MYLK: variants seen among roughly 807,000 people sequenced by gnomAD.
The protein encoded by MYLK is myosin light chain kinase, smooth muscle.
In MYLK, 106 loss-of-function variants were observed where a neutral mutation model predicts 203.4. The observed-to-expected ratio is 0.52, with a 90% CI of 0.45 to 0.61. The LOEUF (loss-of-function observed/expected upper bound fraction) is 0.61. Among genes scored for constraint, MYLK ranks in the 20% least tolerant of loss-of-function variants. The pLI is 0.00. For synonymous variants in MYLK, 867 were observed against 959.5 expected, an observed-to-expected ratio of 0.90 and a Z score of 1.78; for missense variants, 2,072 against 2,442.3, an observed-to-expected ratio of 0.85 and a Z score of 3.20.
intron 23 of MYLK, among the ~76,000 whole-genome samples, chr3:123,663,187 A>G (rs1576470381): frequency 6.6e-6 from 1 of 152,124 alleles, no homozygotes; most frequent in African/African-American, 2.4e-5. Context: ...CTGGTTAGAA[A>G]ACTCTCTTGA....
chr3:123,682,055 CTG>C (rs748611552), intron 20 of MYLK, 167 bp downstream of exon 20: 2 of 684,462 alleles, frequency 2.9e-6, no homozygotes, highest in Non-Finnish European at 5.4e-6. Flanking sequence ...GCCACTGGCT[CTG>C]TTATTGGGAG....
At chr3:123,735,241 G>C in intron 9 of MYLK, 157 bp downstream of exon 9, 2 of 995,060 alleles carry the variant, frequency 2.0e-6, no homozygotes, top group East Asian at 4.8e-5. Context: ...TATTACAATA[G>C]GAGAACAAGA....
At chr3:123,794,713 C>T (rs1338735802) in intron 3 of MYLK, among the ~76,000 whole-genome samples, 1 of 152,178 alleles carries the variant, frequency 6.6e-6, no homozygotes, top group Admixed American at 6.5e-5. Flanking sequence ...GACGACTACT[C>T]ATTAGAGCGA....
intron 3 of MYLK, among the ~76,000 whole-genome samples, chr3:123,801,560 C>T (rs1335404265): frequency 1.3e-5 from 2 of 152,194 alleles, no homozygotes; most frequent in Non-Finnish European, 2.9e-5. Context: ...GATAGTTTTT[C>T]AGCCCTTGCT....
At chr3:123,732,284 C>T (rs1168639223) in intron 11 of MYLK, among the ~76,000 whole-genome samples, 1 of 152,106 alleles carries the variant, frequency 6.6e-6, no homozygotes, top group East Asian at 1.9e-4. Context: ...TTAGATACAG[C>T]CATTTCATGC....
chr3:123,678,606 C>T (rs2060153239), intron 20 of MYLK, among the ~76,000 whole-genome samples: 1 of 151,974 alleles, frequency 6.6e-6, no homozygotes, highest in South Asian at 2.1e-4. Context: ...GGATTTCCCT[C>T]TTAGACTAGG....
intron 20 of MYLK, among the ~76,000 whole-genome samples, chr3:123,674,585 C>T (rs953922963): frequency 1.3e-5 from 2 of 152,256 alleles, no homozygotes; most frequent in Non-Finnish European, 2.9e-5. Flanking sequence ...ATTTAGCCTA[C>T]ATTATGATTG....
At chr3:123,746,247 G>T (rs897423528) in intron 5 of MYLK, among the ~76,000 whole-genome samples, 1 of 152,152 alleles carries the variant, frequency 6.6e-6, no homozygotes, top group Non-Finnish European at 1.5e-5. Flanking sequence ...CTTCTCAGGA[G>T]GCTGAGGCAG....
chr3:123,780,666 C>G (rs1214325578), intron 4 of MYLK, among the ~76,000 whole-genome samples: 2 of 152,176 alleles, frequency 1.3e-5, no homozygotes, highest in South Asian at 2.1e-4. Flanking sequence ...AGATAGCCGA[C>G]AAGCTGCCCA....
intron 4 of MYLK, among the ~76,000 whole-genome samples, chr3:123,762,860 A>T (rs934540258): frequency 2.0e-5 from 3 of 152,212 alleles, no homozygotes; most frequent in Non-Finnish European, 2.9e-5. Context: ...TAGACTTCTC[A>T]GCTTCTAGGG....
Position 123,626,938 on chromosome 3 carries a change from G to A in MYLK, c.5118C>T (p.Asn1706=). The A allele has an allele frequency of 1.2e-6, 2 of 1,614,174 alleles. No individual in the cohort carries two copies. Among genetic ancestry groups the A allele is most frequent in the South Asian group, 2.2e-5 (2 of 91,088 alleles). ...ISNLLKKDMK[N]RLDCTQCLQH... ...GAAGGCACTGCGTGCAGTCCAGGCG[G>A]TTTCTGACAGAGGCAGAGATCAGGA... Residue 1706 remains asparagine (N), a synonymous_variant, in exon 31 of 34, where the codon AAC becomes AAT. Transcript: ENST00000360304.
chr3:123,712,107 C>T (rs774268868), intron 13 of MYLK, among the ~76,000 whole-genome samples: 1 of 152,208 alleles, frequency 6.6e-6, no homozygotes, highest in Non-Finnish European at 1.5e-5. Context: ...AGATGGGGCT[C>T]TCAGGCCCCT....
At chr3:123,692,669 G>T in intron 19 of MYLK, 66 bp downstream of exon 19, 1 of 1,259,972 alleles carries the variant, frequency 7.9e-7, no homozygotes, top group Non-Finnish European at 1.2e-6. Context: ...GGTATGGTAA[G>T]GAAGGGAGGG....
chr3:123,700,108 C>T lies in MYLK; in HGVS notation c.3360G>A (p.Gln1120=). The T allele has an allele frequency of 1.2e-6, 2 of 1,613,926 alleles. No individual in the cohort carries two copies. Among genetic ancestry groups the T allele is most frequent in the Non-Finnish European group, 1.7e-6 (2 of 1,179,970 alleles). Residue 1120 remains glutamine, a synonymous_variant, in exon 18 of 34, where the codon CAG becomes CAA. Transcript: ENST00000360304. Reference sequence around the variant, plus strand: ...TGGTGGCTGGGGGGTCAGAAGACACCTGGCACTGGAGCAGCAGCTTCTTGC... The same window carrying T: ...TGGTGGCTGGGGGGTCAGAAGACACTTGGCACTGGAGCAGCAGCTTCTTGC... ...AEGKKLLLQC[Q]VSSDPPATII...
intron 4 of MYLK, among the ~76,000 whole-genome samples, chr3:123,762,870 G>A (rs555408341): frequency 6.6e-6 from 1 of 152,148 alleles, no homozygotes. Flanking sequence ...AGCTTCTAGG[G>A]CTGTAAGAAA....
rs570422254 is a variant in MYLK at position 123,651,257 on chromosome 3, C to T, written c.4289-2063G>A. On this transcript the variant is annotated intron_variant, in intron 24 of 33. Transcript: ENST00000360304. ...GGGAACCATTTAGTGTTCTACCTCA[C>T]GTAGGAGGAAGGCTGGAGGGATATG... is the stretch of plus-strand genomic sequence containing the variant. 6.6e-5 allele frequency among the ~76,000 whole-genome samples: 10 copies of T among 152,102 alleles called. No individual in the cohort carries two copies. In the East Asian group the frequency reaches 7.7e-4, roughly 12 times the overall value.
At chr3:123,794,979 C>T (rs1435221060) in intron 3 of MYLK, among the ~76,000 whole-genome samples, 1 of 152,102 alleles carries the variant, frequency 6.6e-6, no homozygotes, top group Non-Finnish European at 1.5e-5. Flanking sequence ...GCCCATTACA[C>T]AGCTATTGAG....
chr3:123,849,817 A>C lies in MYLK; in HGVS notation c.-126-18147T>G, dbSNP rs139503452. 1.4e-3 allele frequency among the ~76,000 whole-genome samples: 216 copies of C among 152,154 alleles called. 2 individuals are homozygous for C. The highest frequency in any genetic ancestry group is 5.1e-3 in the African/African-American group (210 of 41,488). ...GTGCAGGTTCGTTACATATGTATAC[A>C]TGTGCCCTGTTGGTGTGCTGCACCC... On this transcript the variant is annotated intron_variant, in intron 2 of 33. Coordinates refer to ENST00000360304, the MANE Select transcript of MYLK (RefSeq NM_053025.4).
chr3:123,741,894 G>A, intron 5 of MYLK, among the ~76,000 whole-genome samples: 1 of 152,096 alleles, frequency 6.6e-6, no homozygotes, highest in Non-Finnish European at 1.5e-5. Context: ...CTCCAAATGG[G>A]CTATGATCCT....
Sources: allele counts gnomAD v4.1 joint callset (sites outside exome capture counted in the v4.1 genomes callset), GRCh38; gene constraint gnomAD v4.1.1; transcripts MANE v1.5; gene names NCBI Gene and HGNC (gene_info 2026-07-23, HGNC 2026-07-21).